The following ZSCAN25 variants were observed in gnomAD, a reference collection of about 807,000 sequenced individuals.
The protein encoded by ZSCAN25 is zinc finger and SCAN domain-containing protein 25.
ZSCAN25 carries 27 observed loss-of-function variants against 38.7 expected under a neutral mutation model. The observed-to-expected ratio is 0.70, with a 90% CI of 0.51 to 0.96. The LOEUF (loss-of-function observed/expected upper bound fraction) is 0.96. Among genes scored for constraint, ZSCAN25 ranks in the 40% least tolerant of loss-of-function variants. ZSCAN25 has a pLI of 0.00. For missense variants in ZSCAN25, 637 were observed against 705.9 expected, an observed-to-expected ratio of 0.90 and a Z score of 1.11; for synonymous variants, 273 against 277.7, an observed-to-expected ratio of 0.98 and a Z score of 0.17.
chr7:99,664,733 TCAAATTGATTATAATTATTTACACCA>T, the ZSCAN25 span, among the ~76,000 whole-genome samples: 3 of 152,102 alleles, frequency 2.0e-5, no homozygotes, highest in South Asian at 6.2e-4. Context: ...AGAAAATATC[TCAAATTGATTATAATTATTTACACCA>T]CAAAACACTA....
At chr7:99,677,631 G>T in the ZSCAN25 span, among the ~76,000 whole-genome samples, 2 of 152,188 alleles carry the variant, frequency 1.3e-5, no homozygotes, top group Non-Finnish European at 2.9e-5. Context: ...TACATGAAGG[G>T]CAGGGTTTGG....
At chr7:99,684,653 T>C in the ZSCAN25 span, among the ~76,000 whole-genome samples, 1 of 152,184 alleles carries the variant, frequency 6.6e-6, no homozygotes, top group Non-Finnish European at 1.5e-5. Flanking sequence ...GATTTCTCCT[T>C]AATGTTCAGG....
the ZSCAN25 span, chr7:99,672,742 C>T: frequency 6.2e-7 from 1 of 1,607,552 alleles, no homozygotes; most frequent in African/African-American, 1.3e-5. Flanking sequence ...GGAGCCACAC[C>T]CAGGAAGCCA....
In ZSCAN25 at chr7:99,630,375, G is replaced by T; in HGVS notation, c.*355G>T. 9.4e-7 allele frequency: 1 copy of T among 1,065,272 alleles called. No individual in the cohort carries two copies. Among genetic ancestry groups the T allele is most frequent in the South Asian group, 3.8e-5 (1 of 26,258 alleles). 66.0% of individuals were successfully genotyped at this position (1,065,272 alleles called of 1,614,324 possible). ...TTGGTAGCTGGGACCTCATCTTCCT[G>T]AGGGCTCTGTCTTGCCTGCAGGGTC... On this transcript the variant is annotated 3_prime_UTR_variant, in exon 8 of 8. Coordinates refer to ENST00000394152, the MANE Select transcript of ZSCAN25 (RefSeq NM_145115.3).
the ZSCAN25 span, among the ~76,000 whole-genome samples, chr7:99,733,848 A>G: frequency 6.6e-6 from 1 of 152,222 alleles, no homozygotes; most frequent in Non-Finnish European, 1.5e-5. Flanking sequence ...TAACCTGCTA[A>G]GCAGGTGTAT....
the ZSCAN25 span, chr7:99,663,192 G>T: frequency 7.2e-6 from 8 of 1,109,174 alleles, no homozygotes; most frequent in Middle Eastern, 4.2e-4. Context: ...TCCATCTCTG[G>T]TCATAACTGC....
chr7:99,641,959 A>G, the ZSCAN25 span, among the ~76,000 whole-genome samples: 1 of 152,196 alleles, frequency 6.6e-6, no homozygotes, highest in Non-Finnish European at 1.5e-5. Flanking sequence ...TGTTGTTTGG[A>G]ACTTTCCAAA....
chr7:99,695,044 A>G, the ZSCAN25 span, among the ~76,000 whole-genome samples: 3 of 152,084 alleles, frequency 2.0e-5, no homozygotes, highest in African/African-American at 4.8e-5. Context: ...GATAACCACT[A>G]TCTCATCTCA....
At chr7:99,736,875 C>G in the ZSCAN25 span, among the ~76,000 whole-genome samples, 1 of 152,022 alleles carries the variant, frequency 6.6e-6, no homozygotes, top group African/African-American at 2.4e-5. Context: ...AGGTATGTGC[C>G]GGGAGCCACA....
the ZSCAN25 span, among the ~76,000 whole-genome samples, chr7:99,650,488 T>C: frequency 6.6e-6 from 1 of 152,180 alleles, no homozygotes; most frequent in Admixed American, 6.5e-5. Context: ...ATAATATTTA[T>C]CTCTAAACAC....
chr7:99,735,474 C>T, the ZSCAN25 span, among the ~76,000 whole-genome samples: 1 of 152,174 alleles, frequency 6.6e-6, no homozygotes, highest in Non-Finnish European at 1.5e-5. Flanking sequence ...TCTATTAACT[C>T]TCCTCTTGTC....
the ZSCAN25 span, chr7:99,659,249 G>T: frequency 6.6e-6 from 1 of 152,222 alleles, no homozygotes; most frequent in African/African-American, 2.4e-5. Flanking sequence ...GTACAGATGG[G>T]TTTTGGTGTG....
the ZSCAN25 span, among the ~76,000 whole-genome samples, chr7:99,641,759 G>A: frequency 6.6e-6 from 1 of 152,066 alleles, no homozygotes; most frequent in Non-Finnish European, 1.5e-5. Context: ...AGCAAATCCT[G>A]TTGGCCCTAC....
At position 99,622,640 on chromosome 7, in the gene ZSCAN25, G is replaced by A. The variant is rs1289066700; in HGVS notation, c.681G>A (p.Gln227=). Residue 227 remains glutamine (Q), a splice_region_variant and synonymous_variant, in exon 6 of 8, where the codon CAG becomes CAA. Transcript: ENST00000394152. The stretch of plus-strand genomic sequence containing the variant: ...CTGGGTTCTTTACTGCTGGATCGCA[G>A]GTGAGCTCTGACTCCCTTTGCAGAA... ...MAAGFFTAGS[Q]GLGPFKDMAL... is the part of the protein sequence containing the mutation. 1.2e-6 allele frequency: 2 copies of A among 1,613,738 alleles called. No individual in the cohort carries two copies. The highest frequency in any genetic ancestry group is 2.7e-5 in the African/African-American group (2 of 74,888).
rs1807931715 is a variant in ZSCAN25, at chr7:99,630,715, G to GA, written c.*695_*696insA. 1 of 985,106 alleles carries GA rather than the reference G, an allele frequency of 1.0e-6. No individual in the cohort carries two copies. The highest frequency in any genetic ancestry group is 1.8e-5 in the African/African-American group (1 of 56,982). 61.0% of individuals were successfully genotyped at this position (985,106 alleles called of 1,614,324 possible). ...TTACATTATTTGGAGCCTCATCTGTGTCAGGCTATAACATTCTATCCTCAT... is the reference window on the plus strand; with the variant it reads ...TTACATTATTTGGAGCCTCATCTGTGATCAGGCTATAACATTCTATCCTCAT... On this transcript the variant is annotated 3_prime_UTR_variant, in exon 8 of 8. Coordinates refer to ENST00000394152, the MANE Select transcript of ZSCAN25 (RefSeq NM_145115.3).
chr7:99,652,773 G>A, the ZSCAN25 span: 1 of 1,612,816 alleles, frequency 6.2e-7, no homozygotes, highest in Non-Finnish European at 8.5e-7. Flanking sequence ...TCATAGGTAG[G>A]TGGTGCCTGG....
chr7:99,663,401 A>T, the ZSCAN25 span: 3 of 990,944 alleles, frequency 3.0e-6, no homozygotes, highest in Non-Finnish European at 3.6e-6. Context: ...TGACCTGCAG[A>T]CATCCTTCGG....
At chr7:99,698,109 A>G in the ZSCAN25 span, among the ~76,000 whole-genome samples, 2 of 152,196 alleles carry the variant, frequency 1.3e-5, no homozygotes, top group South Asian at 2.1e-4. Flanking sequence ...TTTGGTTCCA[A>G]TGAAGAGGCT....
At chr7:99,702,247 G>A in the ZSCAN25 span, among the ~76,000 whole-genome samples, 74 of 152,106 alleles carry the variant, frequency 4.9e-4, 1 homozygote, top group East Asian at 0.013. Flanking sequence ...GCACCACCAT[G>A]CCCAGCTAAC....
Sources: gnomAD v4.1 joint callset for allele counts (sites outside exome capture counted in the v4.1 genomes callset) on GRCh38, gnomAD v4.1.1 for gene constraint, MANE v1.5 for transcripts, NCBI Gene and HGNC (gene_info 2026-07-23, HGNC 2026-07-21) for gene names.